Variants in KLF8 observed in about 807,000 individuals in gnomAD.
KLF8 encodes the protein KLF transcription factor 8.
Under a neutral mutation model 18.2 loss-of-function variants are expected in KLF8, and 10 were observed. The observed-to-expected ratio is 0.55, with a 90% CI of 0.34 to 0.93. KLF8 has a LOEUF of 0.93. KLF8 is among the 40% of genes least tolerant of loss of function. The probability of loss-of-function intolerance (pLI) is 0.02; values close to 1 mark genes in which losing one functional copy is unlikely to be tolerated. For synonymous variants in KLF8, 109 were observed against 97.3 expected (o/e 1.12, Z -0.71); for missense variants, 264 against 277.9 (o/e 0.95, Z 0.36).
At chrX:56,047,316 G>A in the KLF8 span, among the ~76,000 whole-genome samples, 3 of 108,851 alleles carry the variant, frequency 2.8e-5, no homozygotes, top group Non-Finnish European at 5.7e-5. Context: ...TGCACAATGT[G>A]CAGGTTTGTT....
intron 2 of KLF8, among the ~76,000 whole-genome samples, chrX:56,264,501 T>C (rs1444856565): frequency 9.0e-6 from 1 of 110,767 alleles, no homozygotes; most frequent in African/African-American, 3.3e-5. Flanking sequence ...TTATTAGTTT[T>C]TTTTAAAAAT....
At chrX:55,953,006 G>A in the KLF8 span, among the ~76,000 whole-genome samples, 1 of 111,458 alleles carries the variant, frequency 9.0e-6, no homozygotes, top group Admixed American at 9.6e-5. Context: ...TCAAACCCAC[G>A]TGAGTCTGAG....
At chrX:56,250,801 T>C (rs987326483) in intron 2 of KLF8, among the ~76,000 whole-genome samples, 4 of 111,024 alleles carry the variant, frequency 3.6e-5, no homozygotes, top group African/African-American at 1.3e-4. Context: ...GCATGGCAAG[T>C]CCAAAACCCC....
At chrX:56,166,356 C>A in the KLF8 span, among the ~76,000 whole-genome samples, 1 of 111,902 alleles carries the variant, frequency 8.9e-6, no homozygotes, top group East Asian at 2.8e-4. Flanking sequence ...TTGCTGCTGC[C>A]TTGATTTGTG....
the KLF8 span, among the ~76,000 whole-genome samples, chrX:56,111,498 G>T: frequency 8.9e-6 from 1 of 112,138 alleles, no homozygotes; most frequent in Admixed American, 9.4e-5. Flanking sequence ...TTAAACTAAA[G>T]AGCTTCTGCA....
the KLF8 span, among the ~76,000 whole-genome samples, chrX:56,213,995 A>C: frequency 1.8e-5 from 2 of 111,609 alleles, no homozygotes; most frequent in African/African-American, 6.5e-5. Flanking sequence ...GGGATGGAGC[A>C]GGAAGGTATG....
chrX:56,182,325 G>T, the KLF8 span, among the ~76,000 whole-genome samples: 1 of 112,178 alleles, frequency 8.9e-6, no homozygotes, highest in East Asian at 2.8e-4. Context: ...GTCATTTAAG[G>T]TCTTCTCTAT....
At chrX:55,994,409 G>A in the KLF8 span, among the ~76,000 whole-genome samples, 43 of 108,437 alleles carry the variant, frequency 4.0e-4, no homozygotes, top group East Asian at 3.7e-3. Flanking sequence ...TGGCTTTCAC[G>A]TCTAAATTTT....
At chrX:56,063,364 T>C in the KLF8 span, among the ~76,000 whole-genome samples, 1 of 112,059 alleles carries the variant, frequency 8.9e-6, no homozygotes, top group Non-Finnish European at 1.9e-5. Flanking sequence ...TGGTTGTTTT[T>C]TCTGTGGATG....
chrX:56,047,728 G>A, the KLF8 span, among the ~76,000 whole-genome samples: 13 of 111,296 alleles, frequency 1.2e-4, no homozygotes, highest in South Asian at 3.8e-4. Context: ...GTAAACATAC[G>A]TGTGAATGTG....
the KLF8 span, among the ~76,000 whole-genome samples, chrX:56,163,474 C>T: frequency 6.2e-3 from 689 of 111,614 alleles, 3 homozygotes; most frequent in African/African-American, 0.021. Context: ...TTTTGCATTC[C>T]TTATAGATAT....
At chrX:56,117,726 C>T in the KLF8 span, among the ~76,000 whole-genome samples, 3 of 112,166 alleles carry the variant, frequency 2.7e-5, no homozygotes, top group Admixed American at 9.5e-5. Flanking sequence ...TCTTCAAATT[C>T]ATTTATCTTT....
At chrX:56,254,422 C>T (rs1027305698) in intron 2 of KLF8, among the ~76,000 whole-genome samples, 27 of 111,449 alleles carry the variant, frequency 2.4e-4, no homozygotes, top group Non-Finnish European at 1.5e-4. Flanking sequence ...GGGGTGCCTG[C>T]GACCCTTGAA....
the KLF8 span, among the ~76,000 whole-genome samples, chrX:56,020,251 TG>T: frequency 1.8e-5 from 2 of 110,996 alleles, no homozygotes; most frequent in African/African-American, 6.6e-5. Context: ...ATAAGAGCTC[TG>T]GGGAAAAAAA....
the KLF8 span, among the ~76,000 whole-genome samples, chrX:56,077,120 G>T: frequency 8.3e-3 from 920 of 111,466 alleles, 14 homozygotes; most frequent in African/African-American, 0.028. Flanking sequence ...AAGTTTCTTT[G>T]GCTGTGCAGA....
At chrX:56,040,566 G>A in the KLF8 span, among the ~76,000 whole-genome samples, 1 of 110,938 alleles carries the variant, frequency 9.0e-6, no homozygotes, top group Non-Finnish European at 1.9e-5. Context: ...TGCATCTCTA[G>A]CATGAAGCCT....
At chrX:56,204,456 C>T in the KLF8 span, among the ~76,000 whole-genome samples, 1 of 111,357 alleles carries the variant, frequency 9.0e-6, no homozygotes, top group Non-Finnish European at 1.9e-5. Context: ...TCCAGTACTA[C>T]GTATAAGAAC....
chrX:56,280,165 A>G (rs2067181402), intron 5 of KLF8, among the ~76,000 whole-genome samples: 1 of 112,312 alleles, frequency 8.9e-6, no homozygotes, highest in Non-Finnish European at 1.9e-5. Context: ...TCATACTGTC[A>G]AGTCCCAGTA....
the KLF8 span, among the ~76,000 whole-genome samples, chrX:56,170,195 G>A: frequency 3.9e-4 from 43 of 110,207 alleles, no homozygotes; most frequent in African/African-American, 1.3e-3. Context: ...TCAAATACCT[G>A]GAAAGCTTTC....
Sources: gnomAD v4.1 joint callset for allele counts (sites outside exome capture counted in the v4.1 genomes callset) on GRCh38, gnomAD v4.1.1 for gene constraint, MANE v1.5 for transcripts, NCBI Gene and HGNC (gene_info 2026-07-23, HGNC 2026-07-21) for gene names.